The following KIAA1328 variants were observed in gnomAD, a reference collection of about 807,000 sequenced individuals.
KIAA1328 encodes the protein protein hinderin.
KIAA1328 carries 52 observed loss-of-function variants against 68.1 expected under a neutral mutation model. That is an observed-to-expected ratio of 0.76 (90% confidence interval 0.61 to 0.96). KIAA1328 has a LOEUF of 0.96. KIAA1328 is among the 40% of genes least tolerant of loss of function. KIAA1328 has a pLI of 0.00. For missense variants in KIAA1328, 641 were observed against 677.6 expected (o/e 0.95, Z 0.60); for synonymous variants, 232 against 239.4 (o/e 0.97, Z 0.28).
chr18:37,061,484 G>T (rs114157673), intron 6 of KIAA1328, among the ~76,000 whole-genome samples: 1 of 151,994 alleles, frequency 6.6e-6, no homozygotes, highest in Non-Finnish European at 1.5e-5. Flanking sequence ...TGTAAATTAC[G>T]CCTCAATGTT....
intron 7 of KIAA1328, among the ~76,000 whole-genome samples, chr18:37,103,062 A>G (rs1306574723): frequency 6.6e-6 from 1 of 152,214 alleles, no homozygotes; most frequent in South Asian, 2.1e-4. Flanking sequence ...GAAGATGTCC[A>G]TGCTCACGGA....
chr18:37,161,995 A>C (rs2059289685), intron 8 of KIAA1328, among the ~76,000 whole-genome samples: 1 of 152,248 alleles, frequency 6.6e-6, no homozygotes, highest in African/African-American at 2.4e-5. Flanking sequence ...GTGTCCAAAA[A>C]AAATCAATTT....
intron 7 of KIAA1328, among the ~76,000 whole-genome samples, chr18:37,130,104 G>A (rs2058486878): frequency 6.6e-6 from 1 of 152,104 alleles, no homozygotes; most frequent in South Asian, 2.1e-4. Context: ...CTCCTAAGCT[G>A]ATTAATTAAG....
rs1289748127 is a variant in KIAA1328 at position 36,844,309 on chromosome 18, T to A, written c.332+7T>A. 6.5e-7 allele frequency: 1 copy of A among 1,539,260 alleles called. No individual in the cohort carries two copies. Among genetic ancestry groups the A allele is most frequent in the Non-Finnish European group, 8.8e-7 (1 of 1,134,010 alleles). ...TAATTAAAGAACTGGCCAGGTGAGA[T>A]AAAACCTTATATGAAATGATTTATT... On this transcript the variant is annotated splice_region_variant and intron_variant, in intron 4 of 9. Transcript: ENST00000280020.
At chr18:37,069,494 G>C (rs1426530783) in intron 7 of KIAA1328, among the ~76,000 whole-genome samples, 1 of 152,042 alleles carries the variant, frequency 6.6e-6, no homozygotes, top group Admixed American at 6.6e-5. Context: ...CTGTGTCCTT[G>C]TCTTGTTTCG....
intron 6 of KIAA1328, among the ~76,000 whole-genome samples, chr18:37,001,593 G>A (rs1296963081): frequency 2.0e-5 from 3 of 151,988 alleles, no homozygotes; most frequent in African/African-American, 7.2e-5. Context: ...TATCCCTGAC[G>A]AACATAGACA....
chr18:37,051,705 C>A (rs929509319), intron 6 of KIAA1328, among the ~76,000 whole-genome samples: 3 of 152,034 alleles, frequency 2.0e-5, no homozygotes, highest in Non-Finnish European at 2.9e-5. Context: ...TCTACAAAAC[C>A]ATTATCTTCC....
At chr18:36,893,690 A>G (rs1378552041) in intron 5 of KIAA1328, among the ~76,000 whole-genome samples, 1 of 152,122 alleles carries the variant, frequency 6.6e-6, no homozygotes, top group African/African-American at 2.4e-5. Flanking sequence ...TTTGGTGTCT[A>G]GTTTTAAAGC....
At chr18:36,851,250 G>A (rs1448978151) in intron 4 of KIAA1328, among the ~76,000 whole-genome samples, 2 of 152,126 alleles carry the variant, frequency 1.3e-5, no homozygotes, top group African/African-American at 4.8e-5. Flanking sequence ...TATTCATAAA[G>A]GATATTGTCT....
intron 4 of KIAA1328, among the ~76,000 whole-genome samples, chr18:36,864,886 A>G (rs976141923): frequency 6.6e-6 from 1 of 151,786 alleles, no homozygotes; most frequent in Non-Finnish European, 1.5e-5. Flanking sequence ...CTAATTTTTA[A>G]GTTAATGACT....
intron 6 of KIAA1328, among the ~76,000 whole-genome samples, chr18:36,975,103 A>G (rs2052407502): frequency 6.6e-6 from 1 of 151,740 alleles, no homozygotes; most frequent in Non-Finnish European, 1.5e-5. Flanking sequence ...TATTATGTTG[A>G]TATCAGTCAC....
intron 4 of KIAA1328, among the ~76,000 whole-genome samples, chr18:36,861,276 C>T (rs933813188): frequency 2.6e-5 from 4 of 151,746 alleles, no homozygotes; most frequent in Non-Finnish European, 5.9e-5. Flanking sequence ...TACGTTATAT[C>T]GGGTGTACAT....
intron 6 of KIAA1328, among the ~76,000 whole-genome samples, chr18:37,060,182 A>C (rs959926240): frequency 2.0e-5 from 3 of 152,114 alleles, no homozygotes; most frequent in Non-Finnish European, 4.4e-5. Flanking sequence ...TAAATAGCCT[A>C]TGTGATGACA....
chr18:37,082,271 A>C (rs1471759249), intron 7 of KIAA1328, among the ~76,000 whole-genome samples: 3 of 145,742 alleles, frequency 2.1e-5, no homozygotes, highest in Non-Finnish European at 4.4e-5. Context: ...TCCTGGGTTC[A>C]AGCGATTCTC....
chr18:37,136,226 T>G (rs2058641152), intron 7 of KIAA1328, among the ~76,000 whole-genome samples: 1 of 152,170 alleles, frequency 6.6e-6, no homozygotes, highest in Non-Finnish European at 1.5e-5. Context: ...TTGGTTTTCT[T>G]AAAGGAGATT....
chr18:37,084,472 TTTTG>T, intron 7 of KIAA1328: 1 of 263,416 alleles, frequency 3.8e-6, no homozygotes, highest in Non-Finnish European at 7.0e-6. Context: ...CTTTTTTGTT[TTTTG>T]TTTTTTTTTT....
chr18:36,923,618 G>A (rs531042225), intron 5 of KIAA1328, among the ~76,000 whole-genome samples: 14 of 152,250 alleles, frequency 9.2e-5, no homozygotes, highest in Admixed American at 3.9e-4. Flanking sequence ...ACCAGCAAGC[G>A]AAGTGTAAAG....
chr18:37,218,078 A>G (rs113246386), intron 9 of KIAA1328, among the ~76,000 whole-genome samples: 72 of 152,388 alleles, frequency 4.7e-4, no homozygotes, highest in African/African-American at 1.7e-3. Flanking sequence ...CTTAAATGCA[A>G]TAACTCTACA....
chr18:36,948,572 GAC>G (rs2051005772), intron 5 of KIAA1328, among the ~76,000 whole-genome samples: 1 of 139,154 alleles, frequency 7.2e-6, no homozygotes, highest in African/African-American at 2.7e-5. Context: ...TTTTTTTTGA[GAC>G]AGTCTCACTC....
Sources: allele counts gnomAD v4.1 joint callset (sites outside exome capture counted in the v4.1 genomes callset), GRCh38; gene constraint gnomAD v4.1.1; transcripts MANE v1.5; gene names NCBI Gene and HGNC (gene_info 2026-07-23, HGNC 2026-07-21).